The following RRBP1 variants were observed in gnomAD, a reference collection of about 807,000 sequenced individuals.
RRBP1 encodes the protein ribosome binding protein 1, also known as ribosome-binding protein 1.
In RRBP1, 94 loss-of-function variants were observed where a neutral mutation model predicts 165.2. That is an observed-to-expected ratio of 0.57 (90% confidence interval 0.48 to 0.68). The LOEUF is 0.68. Among genes scored for constraint, RRBP1 ranks in the 30% least tolerant of loss-of-function variants. The probability of loss-of-function intolerance (pLI) is 0.00; values close to 1 mark genes in which losing one functional copy is unlikely to be tolerated. For synonymous variants in RRBP1, 680 were observed against 714.5 expected, an observed-to-expected ratio of 0.95 and a Z score of 0.77; for missense variants, 1,676 against 1,763.0, an observed-to-expected ratio of 0.95 and a Z score of 0.88.
intron 9 of RRBP1, 53 bp downstream of exon 9, chr20:17,629,770 T>C (rs1358008648): frequency 3.9e-6 from 6 of 1,544,790 alleles, no homozygotes; most frequent in African/African-American, 2.7e-5. Flanking sequence ...TGGGCCGGCA[T>C]GCAGACCCAG....
intron 21 of RRBP1, 123 bp downstream of exon 21, chr20:17,616,609 G>A (rs2035805194): frequency 3.1e-6 from 2 of 655,046 alleles, no homozygotes; most frequent in African/African-American, 3.7e-5. Context: ...GGCAAAGCAG[G>A]GTGGGGTGGG....
intron 2 of RRBP1, among the ~76,000 whole-genome samples, chr20:17,674,112 C>G (rs1435140702): frequency 1.3e-5 from 2 of 152,200 alleles, no homozygotes; most frequent in Admixed American, 6.5e-5. Flanking sequence ...TGAATGAGAA[C>G]TTCAAAAAAA....
intron 11 of RRBP1, 139 bp from the exon 12 acceptor site, chr20:17,625,741 A>G: frequency 1.5e-6 from 1 of 663,680 alleles, no homozygotes; most frequent in Non-Finnish European, 2.6e-6. Context: ...GGCTGCCCCC[A>G]CCTCACCCAG....
Position 17,658,786 on chromosome 20 carries a change from G to GT in RRBP1, c.1721_1722insA (p.Ser575GlnfsTer2). 1 of 1,613,772 alleles carries GT rather than the reference G, an allele frequency of 6.2e-7. No homozygotes were observed. The highest frequency in any genetic ancestry group is 8.5e-7 in the Non-Finnish European group (1 of 1,179,868). On this transcript the variant is annotated frameshift_variant, in exon 3 of 25. Transcript: ENST00000377813. LOFTEE classifies it high-confidence loss of function. Reference sequence around the variant, plus strand: ...ACCCTTCTGCCTTTTTGCCTTCACTGGGGGACCCTTCTGCTTTTTTCCCCT... The same window carrying GT: ...ACCCTTCTGCCTTTTTGCCTTCACTGTGGGGACCCTTCTGCTTTTTTCCCCT...
At position 17,658,751 on chromosome 20, in the gene RRBP1, T is replaced by C; in HGVS notation, c.1757A>G (p.Gln586Arg). 1.2e-6 allele frequency: 2 copies of C among 1,612,854 alleles called. No individual in the cohort carries two copies. The highest frequency in any genetic ancestry group is 1.7e-6 in the Non-Finnish European group (2 of 1,178,806). Residue 586 changes from glutamine (Q) to arginine (R), a missense_variant, in exon 3 of 25, where the codon CAA (glutamine) becomes CGA (arginine). Coordinates refer to ENST00000377813, the MANE Select transcript of RRBP1 (RefSeq NM_001365613.2). ...EGKKAEGSPN[Q>R]GKKADAAANQ... ...GGCAGCTGCGTCTGCCTTTTTGCCT[T>C]GGTTGGGGGACCCTTCTGCCTTTTT...
rs2036048995 is a variant in RRBP1 at position 17,627,447 on chromosome 20, A to C, written c.2928+57T>G. The C allele has an allele frequency of 2.4e-5, 38 of 1,609,172 alleles. No homozygotes were observed. The South Asian group carries it at 4.1e-4, about 17-fold the overall frequency. On this transcript the variant is annotated intron_variant, in intron 10 of 24. Coordinates refer to ENST00000377813, the MANE Select transcript of RRBP1 (RefSeq NM_001365613.2). ...TCATCTCACGCAGCGGGGCTAGTCC[A>C]CCCACCTGCTAGATGGAGTTCCCTT...
chr20:17,677,393 G>A (rs2037103369), intron 2 of RRBP1, among the ~76,000 whole-genome samples: 1 of 152,236 alleles, frequency 6.6e-6, no homozygotes, highest in Admixed American at 6.5e-5. Flanking sequence ...TGACCAGAAA[G>A]AGATCAAGTA....
rs759451493 is a variant in RRBP1, at chr20:17,642,937, T to A, written c.2061+42A>T. The A allele has an allele frequency of 3.7e-6, 6 of 1,600,086 alleles. No homozygotes were observed. In the East Asian group the frequency reaches 1.3e-4, roughly 36 times the overall value. ...GAAGGGCAAAACCACCCTAGCCAGC[T>A]GCAGTGGCCTCTGAGCATGGCCAGC... On this transcript the variant is annotated intron_variant, in intron 4 of 24. Coordinates refer to ENST00000377813, the MANE Select transcript of RRBP1 (RefSeq NM_001365613.2).
intron 22 of RRBP1, 86 bp from the exon 23 acceptor site, chr20:17,615,615 AG>A (rs2035784804): frequency 3.9e-5 from 45 of 1,149,420 alleles, no homozygotes; most frequent in Middle Eastern, 2.0e-4. Context: ...CCTGGGGACC[AG>A]GGGGCCCCCC....
chr20:17,649,378 G>A (rs1185656435), intron 3 of RRBP1, among the ~76,000 whole-genome samples: 3 of 152,206 alleles, frequency 2.0e-5, no homozygotes, highest in Non-Finnish European at 4.4e-5. Flanking sequence ...CTTCTGGGAA[G>A]TCTGAGCTTT....
chr20:17,646,767 T>TA (rs2036470232), intron 3 of RRBP1, among the ~76,000 whole-genome samples: 1 of 152,168 alleles, frequency 6.6e-6, no homozygotes, highest in African/African-American at 2.4e-5. Context: ...AAGAGGCACT[T>TA]AGTGTTCTCT....
chr20:17,677,617 A>G (rs2037106838), intron 2 of RRBP1, among the ~76,000 whole-genome samples: 1 of 152,226 alleles, frequency 6.6e-6, no homozygotes, highest in Admixed American at 6.5e-5. Context: ...AGGAGGGCAG[A>G]TCACCTGAGG....
chr20:17,632,329 T>C (rs1418112976), intron 8 of RRBP1, among the ~76,000 whole-genome samples: 1 of 152,184 alleles, frequency 6.6e-6, no homozygotes, highest in Non-Finnish European at 1.5e-5. Context: ...TGACACGTGA[T>C]GGTGACAGAC....
Position 17,621,532 on chromosome 20 carries a change from A to G in RRBP1, c.3340T>C (p.Leu1114=). 2 of 1,612,368 alleles carry G rather than the reference A, an allele frequency of 1.2e-6. No individual in the cohort carries two copies. Among genetic ancestry groups the G allele is most frequent in the Non-Finnish European group, 8.5e-7 (1 of 1,179,454 alleles). Residue 1114 remains leucine (L), a synonymous_variant, in exon 16 of 25, where the codon TTG becomes CTG. Transcript: ENST00000377813. ...AEPSSDLASK[L]REAEETQSTL... is the part of the protein sequence containing the mutation. ...CTCTGCGTCTCCTCGGCCTCCCTCAACTTGGAGGCCAGGTCCTGAGAGAGG... is the reference window on the plus strand; with the variant it reads ...CTCTGCGTCTCCTCGGCCTCCCTCAGCTTGGAGGCCAGGTCCTGAGAGAGG...
At position 17,658,635 on chromosome 20, in the gene RRBP1, C is replaced by T. The variant is rs896354500; in HGVS notation, c.1873G>A (p.Ala625Thr). 2 of 1,609,724 alleles carry T rather than the reference C, an allele frequency of 1.2e-6. No homozygotes were observed. Among genetic ancestry groups the T allele is most frequent in the African/African-American group, 1.3e-5 (1 of 74,466 alleles). ...SPEAPKQEAPAKKKSGSKKKG... is the reference protein window; with the variant it reads ...SPEAPKQEAPTKKKSGSKKKG... ...TTCTTTGAACCAGACTTCTTCTTGG[C>T]AGGAGCCTCTTGCTTTGGTGCCTCT... Residue 625 changes from alanine to threonine, a missense_variant, in exon 3 of 25, where the codon GCC (alanine) becomes ACC (threonine). Around this residue, in one of 5 missense-constraint regions of RRBP1, gnomAD observed 1,184 missense variants for 1,167.1 expected, o/e 1.01. Coordinates refer to ENST00000377813, the MANE Select transcript of RRBP1 (RefSeq NM_001365613.2).
rs1049006861 is a variant in RRBP1, at chr20:17,647,470, C to T, written c.1913-4343G>A. On this transcript the variant is annotated intron_variant, in intron 3 of 24. Coordinates refer to ENST00000377813, the MANE Select transcript of RRBP1 (RefSeq NM_001365613.2). ...TGGATTTTATTCTGTAGGCAACAAG[C>T]GATGCCTAGGAAGGAGCGTTTGAAT... 2.0e-5 allele frequency among the ~76,000 whole-genome samples: 3 copies of T among 152,310 alleles called. No homozygotes were observed. The East Asian group carries it at 5.8e-4, about 29-fold the overall frequency.
chr20:17,624,498 G>C, intron 13 of RRBP1, 78 bp downstream of exon 13: 1 of 931,378 alleles, frequency 1.1e-6, no homozygotes, highest in Non-Finnish European at 1.7e-6. Flanking sequence ...GTGTCCTAGT[G>C]CATCTGTACG....
Position 17,643,288 on chromosome 20 carries a change from C to G in RRBP1, c.1913-161G>C, listed in dbSNP as rs560510108. ...GCATGGCGAGTCTGCTCCAGTGTCTCCTGCTCTTTCAGGACACCAAGAAAC... is the reference window on the plus strand; with the variant it reads ...GCATGGCGAGTCTGCTCCAGTGTCTGCTGCTCTTTCAGGACACCAAGAAAC... On this transcript the variant is annotated intron_variant, in intron 3 of 24. Transcript: ENST00000377813. The surrounding 1 kb of genome is among the most constrained non-coding windows in gnomAD (Gnocchi z 4.3). Among the ~76,000 whole-genome samples the G allele has an allele frequency of 8.5e-5, 13 of 152,250 alleles. No homozygotes were observed. Among genetic ancestry groups the G allele is most frequent in the Non-Finnish European group, 1.9e-4 (13 of 68,014 alleles).
In RRBP1 at chr20:17,679,539, A is replaced by G. The variant is rs1190593723; in HGVS notation, c.-22+460T>C. Among the ~76,000 whole-genome samples, 5 of 152,358 alleles carry G rather than the reference A, an allele frequency of 3.3e-5. No individual in the cohort carries two copies. The East Asian group carries it at 9.6e-4, about 29-fold the overall frequency. ...TTAGTTAAAATTCCCAGGGCTAAAA[A>G]GACAAGAAGAGTCTGGGGTCCCGAC... On this transcript the variant is annotated intron_variant, in intron 2 of 24. Coordinates refer to ENST00000377813, the MANE Select transcript of RRBP1 (RefSeq NM_001365613.2).
Sources: allele counts gnomAD v4.1 joint callset (sites outside exome capture counted in the v4.1 genomes callset), GRCh38; gene constraint gnomAD v4.1.1; regional missense constraint gnomAD v4.1.1; non-coding constraint Gnocchi (gnomAD v3.1); transcripts MANE v1.5; gene names NCBI Gene and HGNC (gene_info 2026-07-23, HGNC 2026-07-21).